PDE3A: variants seen among roughly 807,000 people sequenced by gnomAD.
PDE3A encodes cGMP-inhibited 3',5'-cyclic phosphodiesterase 3A.
A neutral mutation model predicts 98.3 loss-of-function variants in PDE3A; 43 were observed. That is an observed-to-expected ratio of 0.44 (90% CI 0.34 to 0.56). PDE3A has a LOEUF of 0.56. Ranked by LOEUF, PDE3A falls within the 20% of genes least tolerant of loss-of-function variation. The probability of loss-of-function intolerance (pLI) is 0.01; values close to 1 mark genes in which losing one functional copy is unlikely to be tolerated. For synonymous variants in PDE3A, 663 were observed against 567.9 expected, an observed-to-expected ratio of 1.17 and a Z score of -2.38; for missense variants, 1,427 against 1,440.7, an observed-to-expected ratio of 0.99 and a Z score of 0.15.
intron 1 of PDE3A, among the ~76,000 whole-genome samples, chr12:20,506,366 C>T (rs892357991): frequency 3.3e-5 from 5 of 151,878 alleles, no homozygotes; most frequent in Non-Finnish European, 1.5e-5. Context: ...TCCAGTATAA[C>T]AGTCTGTATA....
intron 1 of PDE3A, among the ~76,000 whole-genome samples, chr12:20,431,527 A>C (rs1453152731): frequency 6.6e-6 from 1 of 152,048 alleles, no homozygotes; most frequent in Non-Finnish European, 1.5e-5. Context: ...GTCAGGATTA[A>C]ATTCAATCGA....
intron 2 of PDE3A, among the ~76,000 whole-genome samples, chr12:20,612,929 CA>C (rs1371721431): frequency 6.6e-6 from 1 of 151,730 alleles, no homozygotes; most frequent in Non-Finnish European, 1.5e-5. Flanking sequence ...AACTAGCACA[CA>C]AATGGAGTTT....
chr12:20,509,181 G>C (rs73233912), intron 1 of PDE3A, among the ~76,000 whole-genome samples: 2,071 of 152,110 alleles, frequency 0.014, 40 homozygotes, highest in African/African-American at 0.044. Context: ...ATATTAATCT[G>C]CTTCTATCCA....
In PDE3A at chr12:20,625,312, A is replaced by G. The variant is rs368242886; in HGVS notation, c.1540+3901A>G. On this transcript the variant is annotated intron_variant, in intron 5 of 15. Coordinates refer to ENST00000359062, the MANE Select transcript of PDE3A (RefSeq NM_000921.5). Reference sequence around the variant, plus strand: ...TCACTGACATTGTGGAGCTACCATGATATTATTCTGCTTTAAAAATTCCTT... The same window carrying G: ...TCACTGACATTGTGGAGCTACCATGGTATTATTCTGCTTTAAAAATTCCTT... Among the ~76,000 whole-genome samples the G allele has an allele frequency of 1.4e-3, 217 of 152,272 alleles. 1 individual carries two copies. The highest frequency in any genetic ancestry group is 5.0e-3 in the African/African-American group (206 of 41,560).
chr12:20,534,125 C>A (rs866093941), intron 1 of PDE3A, among the ~76,000 whole-genome samples: 1 of 152,114 alleles, frequency 6.6e-6, no homozygotes, highest in South Asian at 2.1e-4. Context: ...CCTTTCCTCG[C>A]ACTGAGAAAC....
intron 1 of PDE3A, among the ~76,000 whole-genome samples, chr12:20,542,777 A>C (rs2121224780): frequency 6.6e-6 from 1 of 152,104 alleles, no homozygotes; most frequent in South Asian, 2.1e-4. Flanking sequence ...GATCAATTTT[A>C]TAGATTAGTC....
At chr12:20,566,502 A>G (rs1942659813) in intron 2 of PDE3A, among the ~76,000 whole-genome samples, 1 of 150,520 alleles carries the variant, frequency 6.6e-6, no homozygotes, top group South Asian at 2.1e-4. Flanking sequence ...TCAGCGATAC[A>G]CACTTAAAAG....
chr12:20,665,497 A>G (rs938392246), intron 15 of PDE3A, among the ~76,000 whole-genome samples: 2 of 152,226 alleles, frequency 1.3e-5, no homozygotes, highest in Non-Finnish European at 2.9e-5. Flanking sequence ...GTGCTGATGT[A>G]TAAGATCTGT....
intron 1 of PDE3A, among the ~76,000 whole-genome samples, chr12:20,512,628 T>C (rs1946248475): frequency 6.6e-6 from 1 of 152,140 alleles, no homozygotes; most frequent in Non-Finnish European, 1.5e-5. Flanking sequence ...ATGGAATATC[T>C]GGCAGAACAT....
chr12:20,680,356 T>A lies in PDE3A; in HGVS notation c.*85T>A. 7.3e-7 allele frequency: 1 copy of A among 1,369,126 alleles called. No homozygotes were observed. Among genetic ancestry groups the A allele is most frequent in the Non-Finnish European group, 1.0e-6 (1 of 1,003,148 alleles). The allele number at this position is 1,369,126 out of a possible 1,614,324, so 84.8% of individuals were successfully genotyped here. On this transcript the variant is annotated 3_prime_UTR_variant, in exon 16 of 16. Coordinates refer to ENST00000359062, the MANE Select transcript of PDE3A (RefSeq NM_000921.5). ...CCAGCACAACATTTAGACACAACAC[T>A]GTAGAAATTTGAGATGGGCAAATGG...
chr12:20,669,038 A>G (rs1945397990), intron 15 of PDE3A, among the ~76,000 whole-genome samples: 1 of 151,558 alleles, frequency 6.6e-6, no homozygotes, highest in Non-Finnish European at 1.5e-5. Flanking sequence ...AGGCTCGAGA[A>G]CTACGTGAAG....
At chr12:20,406,627 T>A (rs181789986) in intron 1 of PDE3A, among the ~76,000 whole-genome samples, 370 of 152,306 alleles carry the variant, frequency 2.4e-3, no homozygotes, top group African/African-American at 8.2e-3. Context: ...GGGTGTATGA[T>A]GTGCAGTTAT....
chr12:20,588,577 C>T (rs1003274423), intron 2 of PDE3A, among the ~76,000 whole-genome samples: 1 of 152,138 alleles, frequency 6.6e-6, no homozygotes, highest in South Asian at 2.1e-4. Context: ...ATGCAGATTC[C>T]GTGAATTGAC....
chr12:20,680,009 TTTTTA>T lies in PDE3A; in HGVS notation c.3185-12_3185-8del, dbSNP rs1425099080. ...ACAACTAAGTAGTCTGATTTGGTGT[TTTTTA>T]TTTTATTTATTTTAGAAAAGAAGAC... On this transcript the variant is annotated splice_polypyrimidine_tract_variant and intron_variant, in intron 15 of 15. Coordinates refer to ENST00000359062, the MANE Select transcript of PDE3A (RefSeq NM_000921.5). The T allele has an allele frequency of 1.9e-6, 3 of 1,562,048 alleles. No individual in the cohort carries two copies. The highest frequency in any genetic ancestry group is 3.6e-5 in the Admixed American group (2 of 56,122).
intron 1 of PDE3A, among the ~76,000 whole-genome samples, chr12:20,513,124 C>T (rs1210271345): frequency 2.6e-5 from 4 of 152,040 alleles, no homozygotes; most frequent in Admixed American, 2.6e-4. Flanking sequence ...GATTCTCAGT[C>T]TTTCGTGTTT....
chr12:20,533,036 C>G (rs937338623), intron 1 of PDE3A, among the ~76,000 whole-genome samples: 6 of 152,124 alleles, frequency 3.9e-5, no homozygotes. Flanking sequence ...GCGTCCCATG[C>G]TATATTGAGA....
intron 1 of PDE3A, among the ~76,000 whole-genome samples, chr12:20,414,579 T>G (rs1338385483): frequency 6.6e-6 from 1 of 152,250 alleles, no homozygotes; most frequent in Non-Finnish European, 1.5e-5. Flanking sequence ...ATGTTTAAAT[T>G]TAACACCCTT....
chr12:20,410,340 A>AAC (rs1944311587), intron 1 of PDE3A, among the ~76,000 whole-genome samples: 2 of 152,198 alleles, frequency 1.3e-5, no homozygotes, highest in African/African-American at 4.8e-5. Flanking sequence ...AGGGAGAGTT[A>AAC]AGTTAGTCTT....
chr12:20,451,282 TA>T (rs1945059440), intron 1 of PDE3A, among the ~76,000 whole-genome samples: 1 of 152,140 alleles, frequency 6.6e-6, no homozygotes, highest in Non-Finnish European at 1.5e-5. Context: ...TTTTTATTTT[TA>T]TTTTTTTCGA....
Sources: gnomAD v4.1 joint callset for allele counts (sites outside exome capture counted in the v4.1 genomes callset) on GRCh38, gnomAD v4.1.1 for gene constraint, MANE v1.5 for transcripts, NCBI Gene and HGNC (gene_info 2026-07-23, HGNC 2026-07-21) for gene names.